Variants in EYA2 observed in about 807,000 individuals in gnomAD.
EYA2 encodes EYA transcriptional coactivator and phosphatase 2.
Under a neutral mutation model 69.2 loss-of-function variants are expected in EYA2, and 31 were observed. That is an observed-to-expected ratio of 0.45 (90% CI 0.34 to 0.60). The LOEUF is 0.60. EYA2 is among the 20% of genes least tolerant of loss of function. EYA2 has a pLI of 0.02. For synonymous variants in EYA2, 257 were observed against 279.4 expected (o/e 0.92, Z 0.80); for missense variants, 622 against 701.2 (o/e 0.89, Z 1.28).
At chr20:47,120,524 A>G (rs888207958) in intron 9 of EYA2, among the ~76,000 whole-genome samples, 1 of 152,226 alleles carries the variant, frequency 6.6e-6, no homozygotes, top group Non-Finnish European at 1.5e-5. Context: ...CGTGTGCCCA[A>G]TGCGGTGGGG....
chr20:46,977,957 T>G (rs186302798), intron 1 of EYA2, among the ~76,000 whole-genome samples: 35 of 152,276 alleles, frequency 2.3e-4, no homozygotes, highest in South Asian at 6.2e-4. Flanking sequence ...CCACAGCTGA[T>G]TCCTACTCTA....
intron 1 of EYA2, among the ~76,000 whole-genome samples, chr20:46,937,248 C>T (rs373783376): frequency 3.3e-5 from 5 of 152,172 alleles, no homozygotes; most frequent in East Asian, 3.8e-4. Context: ...AGTTTATAAT[C>T]GTCATACATT....
At chr20:46,929,007 T>G (rs1350164947) in intron 1 of EYA2, among the ~76,000 whole-genome samples, 1 of 152,236 alleles carries the variant, frequency 6.6e-6, no homozygotes, top group East Asian at 1.9e-4. Flanking sequence ...CAGCTACTTT[T>G]AGCAAGGGCA....
intron 11 of EYA2, among the ~76,000 whole-genome samples, chr20:47,170,503 C>T (rs150221818): frequency 0.018 from 2,685 of 151,924 alleles, 108 homozygotes; most frequent in East Asian, 0.17. Context: ...AAAAATTAGC[C>T]GGGCGTGGTG....
chr20:47,158,708 CT>C (rs1440494939), intron 10 of EYA2, among the ~76,000 whole-genome samples: 5 of 151,892 alleles, frequency 3.3e-5, no homozygotes, highest in African/African-American at 1.2e-4. Flanking sequence ...CCCAGAGCAT[CT>C]TTTAGCACCG....
chr20:46,987,393 G>T (rs183995213), intron 1 of EYA2, among the ~76,000 whole-genome samples: 46 of 152,300 alleles, frequency 3.0e-4, no homozygotes, highest in Non-Finnish European at 6.2e-4. Context: ...ACAGCTGTGG[G>T]CTGGATTTGG....
chr20:47,056,778 C>T (rs2030632118), intron 5 of EYA2, among the ~76,000 whole-genome samples: 1 of 152,180 alleles, frequency 6.6e-6, no homozygotes, highest in East Asian at 1.9e-4. Context: ...GGCATGGTGG[C>T]TCACACCTAT....
intron 1 of EYA2, among the ~76,000 whole-genome samples, chr20:46,902,135 G>A (rs554307281): frequency 6.6e-6 from 1 of 152,298 alleles, no homozygotes; most frequent in South Asian, 2.1e-4. Context: ...AGAGAGGTTG[G>A]GGGTTTGCTA....
chr20:47,165,874 ACAT>A (rs554337639), intron 10 of EYA2, among the ~76,000 whole-genome samples: 164 of 152,104 alleles, frequency 1.1e-3, no homozygotes, highest in Middle Eastern at 3.4e-3. Flanking sequence ...GCCTCCCTAA[ACAT>A]CACCATAACA....
chr20:47,125,047 GTTTTTT>G (rs11478823), intron 9 of EYA2, among the ~76,000 whole-genome samples: 1,346 of 88,480 alleles, frequency 0.015, 8 homozygotes, highest in Non-Finnish European at 0.023. Flanking sequence ...TTTTGGTTAA[GTTTTTT>G]TTTTTTTTTT....
intron 9 of EYA2, among the ~76,000 whole-genome samples, chr20:47,134,299 G>T (rs988513663): frequency 4.1e-4 from 62 of 152,282 alleles, no homozygotes; most frequent in African/African-American, 1.4e-3. Flanking sequence ...AGGGGTGGTG[G>T]CCTAACCAGA....
intron 1 of EYA2, among the ~76,000 whole-genome samples, chr20:46,937,240 T>A (rs893427884): frequency 1.2e-4 from 18 of 152,108 alleles, no homozygotes; most frequent in Admixed American, 8.5e-4. Flanking sequence ...GAAAAAGGAG[T>A]TTATAATCGT....
chr20:46,991,940 C>T (rs375540434), intron 2 of EYA2, among the ~76,000 whole-genome samples: 3 of 126,692 alleles, frequency 2.4e-5, no homozygotes, highest in East Asian at 2.6e-4. Flanking sequence ...TGCACTCCAG[C>T]CTGGGCGACA....
At position 47,015,371 on chromosome 20, in the gene EYA2, G is replaced by A. The variant is rs1344607443; in HGVS notation, c.299-810G>A. Among the ~76,000 whole-genome samples the A allele has an allele frequency of 3.3e-5, 5 of 152,214 alleles. No homozygotes were observed. In the South Asian group the frequency reaches 6.2e-4, roughly 19 times the overall value. ...TACCTATGCTTTAGGTAAGCATGCC[G>A]AGTTTTGCTGAAGCAGAAGGCAGAT... On this transcript the variant is annotated intron_variant, in intron 4 of 15. Transcript: ENST00000327619.
chr20:46,990,162 C>T (rs1317005148), intron 2 of EYA2, 43 bp downstream of exon 2: 2 of 1,020,180 alleles, frequency 2.0e-6, no homozygotes, highest in South Asian at 1.3e-5. Flanking sequence ...GTGTGGTGGT[C>T]CTAGGTCACC....
intron 7 of EYA2, among the ~76,000 whole-genome samples, chr20:47,086,812 T>G (rs1468749277): frequency 2.5e-5 from 3 of 120,662 alleles, no homozygotes; most frequent in Non-Finnish European, 3.6e-5. Flanking sequence ...TTTTTTGTTG[T>G]TTTTTTTTTT....
chr20:47,161,666 C>A, intron 10 of EYA2: 2 of 204,588 alleles, frequency 9.8e-6, no homozygotes, highest in South Asian at 1.4e-4. Flanking sequence ...CACCGTGGTT[C>A]CCCATCCCAG....
At chr20:46,937,117 A>G (rs916528143) in intron 1 of EYA2, among the ~76,000 whole-genome samples, 1 of 152,228 alleles carries the variant, frequency 6.6e-6, no homozygotes, top group African/African-American at 2.4e-5. Context: ...CCCTTTGTGT[A>G]TATAAAAAGT....
In EYA2 at chr20:47,180,949, C is replaced by G. The variant is rs753807826; in HGVS notation, c.1435+13C>G. 1.9e-6 allele frequency: 3 copies of G among 1,612,670 alleles called. No homozygotes were observed. The highest frequency in any genetic ancestry group is 4.5e-5 in the East Asian group (2 of 44,882). On this transcript the variant is annotated intron_variant, in intron 14 of 15. Coordinates refer to ENST00000327619, the MANE Select transcript of EYA2 (RefSeq NM_005244.5). ...GCAACCAAGACAGGTAGGGAGAAGC[C>G]ACACCTCGGCGGGGATACAGGGTTG...
Sources: allele counts gnomAD v4.1 joint callset (sites outside exome capture counted in the v4.1 genomes callset), GRCh38; gene constraint gnomAD v4.1.1; transcripts MANE v1.5; gene names NCBI Gene and HGNC (gene_info 2026-07-23, HGNC 2026-07-21).